The following CPT1A variants were observed in gnomAD, a reference collection of about 807,000 sequenced individuals.
CPT1A encodes the protein carnitine palmitoyltransferase 1A, also known as carnitine O-palmitoyltransferase 1, liver isoform.
CPT1A carries 64 observed loss-of-function variants against 100.8 expected under a neutral mutation model. The ratio of observed to expected loss-of-function variants is 0.63; its 90% confidence interval spans 0.52 to 0.78. CPT1A has a LOEUF of 0.78. Among genes scored for constraint, CPT1A ranks in the 30% least tolerant of loss-of-function variants. The pLI is 0.00. For synonymous variants in CPT1A, 363 were observed against 396.0 expected (o/e 0.92, Z 0.99); for missense variants, 802 against 1,034.1 (o/e 0.78, Z 3.08).
chr11:68,805,359 G>A (rs1194231281), intron 4 of CPT1A, among the ~76,000 whole-genome samples: 1 of 151,968 alleles, frequency 6.6e-6, no homozygotes, highest in Non-Finnish European at 1.5e-5. Context: ...GCTGAGGTGA[G>A]AGAATCGCTT....
chr11:68,802,896 C>CAA (rs901808584), intron 5 of CPT1A, among the ~76,000 whole-genome samples: 248 of 43,148 alleles, frequency 5.7e-3, no homozygotes, highest in Non-Finnish European at 8.4e-3. Context: ...GACCCTGTCT[C>CAA]AAAAAAAAAA....
intron 2 of CPT1A, among the ~76,000 whole-genome samples, chr11:68,814,094 G>C (rs967168248): frequency 6.6e-6 from 1 of 150,932 alleles, no homozygotes; most frequent in Non-Finnish European, 1.5e-5. Context: ...GGGGGTCAGC[G>C]GGGGGGGATT....
At chr11:68,837,358 C>T (rs963218447) in intron 1 of CPT1A, among the ~76,000 whole-genome samples, 2 of 152,136 alleles carry the variant, frequency 1.3e-5, no homozygotes, top group Non-Finnish European at 2.9e-5. Flanking sequence ...GACAGTTTCT[C>T]CAGGGCATCA....
At chr11:68,794,952 G>C in intron 7 of CPT1A, 41 bp from the exon 8 acceptor site, 2 of 1,489,486 alleles carry the variant, frequency 1.3e-6, no homozygotes, top group Non-Finnish European at 1.9e-6. Flanking sequence ...CATAGGGAAA[G>C]ATAAGCAAAT....
intron 8 of CPT1A, 122 bp from the exon 9 acceptor site, chr11:68,793,524 T>C: frequency 1.5e-6 from 1 of 686,210 alleles, no homozygotes; most frequent in Admixed American, 2.1e-5. Context: ...GGCGGGCGGA[T>C]CACGAGGTCA....
At chr11:68,830,766 C>T (rs1422249542) in intron 1 of CPT1A, among the ~76,000 whole-genome samples, 1 of 152,198 alleles carries the variant, frequency 6.6e-6, no homozygotes, top group Non-Finnish European at 1.5e-5. Context: ...TCATACTTAG[C>T]TTAAAGCTCC....
At chr11:68,825,072 C>CCACTGTG (rs1394387204) in intron 1 of CPT1A, among the ~76,000 whole-genome samples, 3 of 152,024 alleles carry the variant, frequency 2.0e-5, no homozygotes, top group African/African-American at 7.2e-5. Context: ...GTGCTGTGAG[C>CCACTGTG]CACTGTGCCC....
chr11:68,764,366 G>T (rs987715128), intron 14 of CPT1A, among the ~76,000 whole-genome samples: 14 of 152,192 alleles, frequency 9.2e-5, no homozygotes, highest in Non-Finnish European at 1.3e-4. Flanking sequence ...GTGGCCCCAG[G>T]GTGGCAGACC....
chr11:68,805,552 T>C (rs1212806357), intron 4 of CPT1A, among the ~76,000 whole-genome samples: 2 of 151,436 alleles, frequency 1.3e-5, no homozygotes, highest in East Asian at 1.9e-4. Flanking sequence ...CCCCCAGAGG[T>C]TGGGACAGCA....
rs1856356540 is a variant in CPT1A at position 68,815,396 on chromosome 11, C to G, written c.79G>C (p.Ala27Pro). 1 of 1,614,052 alleles carries G rather than the reference C, an allele frequency of 6.2e-7. No individual in the cohort carries two copies. Among genetic ancestry groups the G allele is most frequent in the South Asian group, 1.1e-5 (1 of 91,088 alleles). Reference protein sequence around the residue: ...DGIDLRLSHEALRQIYLSGLH... With the variant: ...DGIDLRLSHEPLRQIYLSGLH... ...CCAGAGAGATAGATTTGTCTAAGAG[C>G]TTCATGGCTCAGCCGCAGGTCAATC... Residue 27 changes from alanine (A) to proline (P), a missense_variant, in exon 2 of 19, where the codon GCT becomes CCT. Ala to Pro is a conservative substitution (Grantham distance 27, BLOSUM62 -1). Around this residue, in one of 4 missense-constraint regions of CPT1A, gnomAD observed 161 missense variants for 183.7 expected, o/e 0.88. Transcript: ENST00000265641.
intron 14 of CPT1A, among the ~76,000 whole-genome samples, chr11:68,770,578 C>G (rs115335984): frequency 6.6e-6 from 1 of 152,234 alleles, no homozygotes; most frequent in Non-Finnish European, 1.5e-5. Context: ...TGACCAAGAG[C>G]TCTTATCAGG....
chr11:68,839,373 C>A (rs889987974), intron 1 of CPT1A, among the ~76,000 whole-genome samples: 5 of 152,150 alleles, frequency 3.3e-5, no homozygotes, highest in Non-Finnish European at 7.4e-5. Flanking sequence ...AAGCCCCGGG[C>A]GGCGTCACGT....
intron 5 of CPT1A, among the ~76,000 whole-genome samples, chr11:68,803,694 G>C (rs1376977503): frequency 7.0e-6 from 1 of 142,590 alleles, no homozygotes; most frequent in Non-Finnish European, 1.5e-5. Flanking sequence ...CTGGGTGACA[G>C]AGGGAGAGTC....
At chr11:68,812,701 G>T in intron 2 of CPT1A, 125 bp from the exon 3 acceptor site, 1 of 1,109,040 alleles carries the variant, frequency 9.0e-7, no homozygotes. Flanking sequence ...TGGACAGCGT[G>T]CGTGCACTGA....
At chr11:68,795,951 C>T (rs780815744) in intron 7 of CPT1A, among the ~76,000 whole-genome samples, 77 of 147,792 alleles carry the variant, frequency 5.2e-4, no homozygotes, top group Admixed American at 1.9e-3. Flanking sequence ...AAAAAATAAA[C>T]GAGGGAAAAA....
Position 68,781,921 on chromosome 11 carries a change from C to T in CPT1A, c.1202G>A (p.Arg401His), listed in dbSNP as rs149896611. The change falls in exon 11 of 19, where the codon CGT becomes CAT. Residue 401 changes from arginine to histidine, a missense_variant. By Grantham distance (29) the Arg-to-His change is conservative. Around this residue, in one of 4 missense-constraint regions of CPT1A, gnomAD observed 627 missense variants for 799.3 expected, o/e 0.78. Transcript: ENST00000265641. ...ATCAAGAGACTGCTTATTTTTCCCA[C>T]GTCCAAAATAGGCCTGACGACACCT... ...WARCRQAYFG[R>H]GKNKQSLDAV... 32 of 1,614,186 alleles carry T rather than the reference C, an allele frequency of 2.0e-5. No individual in the cohort carries two copies. In the Middle Eastern group the frequency reaches 4.9e-4, roughly 25 times the overall value.
chr11:68,830,307 T>C (rs1174834314), intron 1 of CPT1A, among the ~76,000 whole-genome samples: 1 of 151,124 alleles, frequency 6.6e-6, no homozygotes, highest in East Asian at 2.0e-4. Flanking sequence ...CTGAGTGGGG[T>C]TGGGGGATTG....
intron 1 of CPT1A, among the ~76,000 whole-genome samples, chr11:68,817,063 G>GTTGTGTGTGTGTGGTGT (rs1856436919): frequency 1.0e-5 from 1 of 97,976 alleles, no homozygotes; most frequent in African/African-American, 6.7e-5. Flanking sequence ...GTGGGGGGTG[G>GTTGTGTGTGTGTGGTGT]GTGTGTGTGG....
intron 1 of CPT1A, among the ~76,000 whole-genome samples, chr11:68,838,123 G>C (rs1857055668): frequency 6.6e-6 from 1 of 152,104 alleles, no homozygotes; most frequent in African/African-American, 2.4e-5. Flanking sequence ...TCAGGAAGCA[G>C]AGCGGTACCC....
Sources: allele counts gnomAD v4.1 joint callset (sites outside exome capture counted in the v4.1 genomes callset), GRCh38; gene constraint gnomAD v4.1.1; regional missense constraint gnomAD v4.1.1; transcripts MANE v1.5; gene names NCBI Gene and HGNC (gene_info 2026-07-23, HGNC 2026-07-21).